The following WWOX variants were observed in gnomAD, a reference collection of about 807,000 sequenced individuals.
WWOX encodes WW domain containing oxidoreductase, also known as WW domain-containing oxidoreductase.
Under a neutral mutation model 46.2 loss-of-function variants are expected in WWOX, and 69 were observed. The observed-to-expected ratio is 1.49, with a 90% CI of 1.23 to 1.82. WWOX has a LOEUF of 1.82. WWOX is among the 40% of genes most tolerant of loss of function. The pLI is 0.00. For synonymous variants in WWOX, 359 were observed against 202.6 expected (o/e 1.77, Z -6.56); for missense variants, 919 against 542.6 (o/e 1.69, Z -6.89).
chr16:78,239,515 A>G (rs1446784699), intron 5 of WWOX, among the ~76,000 whole-genome samples: 2 of 152,032 alleles, frequency 1.3e-5, no homozygotes, highest in Admixed American at 6.5e-5. Context: ...TTGCTTAGGC[A>G]TTAGTGATTT....
intron 8 of WWOX, among the ~76,000 whole-genome samples, chr16:79,054,660 A>G (rs1183626750): frequency 2.0e-5 from 3 of 152,100 alleles, no homozygotes; most frequent in Non-Finnish European, 4.4e-5. Flanking sequence ...TGTCTCTATG[A>G]AAAAATGAAA....
intron 8 of WWOX, among the ~76,000 whole-genome samples, chr16:78,854,994 A>G (rs1012632609): frequency 2.0e-5 from 3 of 150,406 alleles, no homozygotes; most frequent in Admixed American, 1.3e-4. Context: ...TTTACACTCC[A>G]TTATTTTATT....
intron 8 of WWOX, among the ~76,000 whole-genome samples, chr16:78,715,788 T>C (rs1250484865): frequency 6.6e-6 from 1 of 152,168 alleles, no homozygotes; most frequent in Non-Finnish European, 1.5e-5. Context: ...TGTCTGACCA[T>C]TTTATCAGGA....
intron 4 of WWOX, 112 bp from the exon 5 acceptor site, chr16:78,164,071 C>T (rs939974809): frequency 1.0e-6 from 1 of 992,764 alleles, no homozygotes; most frequent in Non-Finnish European, 1.6e-6. Flanking sequence ...ATCAAAATCA[C>T]CCCTGGTTGA....
chr16:79,160,782 TA>T (rs1484726614), intron 8 of WWOX, among the ~76,000 whole-genome samples: 1 of 152,208 alleles, frequency 6.6e-6, no homozygotes, highest in African/African-American at 2.4e-5. Context: ...TGTGCATTCA[TA>T]TGTCTGTGTG....
At chr16:78,723,893 C>T (rs376595192) in intron 8 of WWOX, among the ~76,000 whole-genome samples, 3 of 152,126 alleles carry the variant, frequency 2.0e-5, no homozygotes, top group African/African-American at 7.2e-5. Flanking sequence ...TGTTTATAGC[C>T]CCAAAGACAG....
In WWOX at chr16:79,042,517, C is replaced by T. The variant is rs966673648; in HGVS notation, c.1057-169091C>T. Among the ~76,000 whole-genome samples, 4 of 151,758 alleles carry T rather than the reference C, an allele frequency of 2.6e-5. 1 individual carries two copies. In the East Asian group the frequency reaches 5.8e-4, roughly 22 times the overall value. ...ATTCGCATGATAAAAATCATAATGTCTCAAATTACTTACTCAATAAAATGT... is the reference window on the plus strand; with the variant it reads ...ATTCGCATGATAAAAATCATAATGTTTCAAATTACTTACTCAATAAAATGT... On this transcript the variant is annotated intron_variant, in intron 8 of 8. Transcript: ENST00000566780.
chr16:78,946,734 G>A lies in WWOX; in HGVS notation c.1057-264874G>A, dbSNP rs554065532. Among the ~76,000 whole-genome samples, 16 of 151,954 alleles carry A rather than the reference G, an allele frequency of 1.1e-4. No homozygotes were observed. In the South Asian group the frequency reaches 1.9e-3, roughly 18 times the overall value. On this transcript the variant is annotated intron_variant, in intron 8 of 8. Transcript: ENST00000566780. ...TTTTTCAGAGCGTTGAGAGTCATGC[G>A]GGCCATATGGATGCAGTGGTCCACA...
intron 5 of WWOX, among the ~76,000 whole-genome samples, chr16:78,266,842 C>T (rs540269627): frequency 9.5e-4 from 140 of 147,274 alleles, no homozygotes; most frequent in Middle Eastern, 3.5e-3. Context: ...CTCTCTCCCC[C>T]TCTCTCTCAT....
intron 8 of WWOX, among the ~76,000 whole-genome samples, chr16:78,961,758 A>T (rs1225734894): frequency 6.6e-6 from 1 of 152,106 alleles, no homozygotes; most frequent in East Asian, 1.9e-4. Flanking sequence ...AACTTGGGGA[A>T]CTTTATCTTT....
At chr16:78,215,700 G>C (rs2036696272) in intron 5 of WWOX, among the ~76,000 whole-genome samples, 1 of 152,174 alleles carries the variant, frequency 6.6e-6, no homozygotes. Flanking sequence ...GGCCGAGGCA[G>C]ATGGATCACT....
intron 8 of WWOX, among the ~76,000 whole-genome samples, chr16:78,887,819 T>C (rs1180845709): frequency 6.6e-6 from 1 of 152,210 alleles, no homozygotes; most frequent in East Asian, 1.9e-4. Flanking sequence ...CTGAGTGAGC[T>C]TAGGACTCTG....
chr16:78,253,892 C>A (rs2151830645), intron 5 of WWOX, among the ~76,000 whole-genome samples: 1 of 152,100 alleles, frequency 6.6e-6, no homozygotes, highest in South Asian at 2.1e-4. Flanking sequence ...CTTCCCACCT[C>A]CAGCCTCGCA....
At position 78,109,838 on chromosome 16, in the gene WWOX, A is replaced by G. The variant is rs746149234; in HGVS notation, c.230+3A>G. On this transcript the variant is annotated splice_donor_region_variant and intron_variant, in intron 3 of 8. Coordinates refer to ENST00000566780, the MANE Select transcript of WWOX (RefSeq NM_016373.4). ...AACGGACAAGTGTTTTTTGTTGAGT[A>G]AGTGTCTGCAAAGAAACCACTCTCA... 1 of 1,614,046 alleles carries G rather than the reference A, an allele frequency of 6.2e-7. No individual in the cohort carries two copies. Among genetic ancestry groups the G allele is most frequent in the Admixed American group, 1.7e-5 (1 of 60,006 alleles).
At chr16:78,254,502 G>GTTTTTTTGTTTTTTT (rs2038073105) in intron 5 of WWOX, among the ~76,000 whole-genome samples, 1 of 91,648 alleles carries the variant, frequency 1.1e-5, no homozygotes, top group African/African-American at 5.2e-5. Flanking sequence ...TTTCTTTCTT[G>GTTTTTTTGTTTTTTT]TTTTTTTTTT....
intron 8 of WWOX, among the ~76,000 whole-genome samples, chr16:78,640,295 T>C (rs960897566): frequency 2.8e-5 from 4 of 142,792 alleles, no homozygotes; most frequent in African/African-American, 1.1e-4. Context: ...ATGGATACTA[T>C]TGAAGGAATG....
chr16:78,436,315 G>A (rs1396645912), intron 8 of WWOX, among the ~76,000 whole-genome samples: 2 of 152,248 alleles, frequency 1.3e-5, no homozygotes, highest in South Asian at 2.1e-4. Flanking sequence ...TAGAAAGGGC[G>A]TCCAGGTGAA....
chr16:78,757,587 T>C (rs2049686311), intron 8 of WWOX, among the ~76,000 whole-genome samples: 1 of 152,180 alleles, frequency 6.6e-6, no homozygotes, highest in African/African-American at 2.4e-5. Context: ...AAGCAGGTGG[T>C]GTATTTTGAA....
intron 8 of WWOX, among the ~76,000 whole-genome samples, chr16:78,735,212 C>A (rs187285079): frequency 5.9e-5 from 9 of 152,172 alleles, no homozygotes; most frequent in Admixed American, 2.6e-4. Context: ...GAAGCATCAG[C>A]ATTTCTTGTG....
Sources: allele counts gnomAD v4.1 joint callset (sites outside exome capture counted in the v4.1 genomes callset), GRCh38; gene constraint gnomAD v4.1.1; transcripts MANE v1.5; gene names NCBI Gene and HGNC (gene_info 2026-07-23, HGNC 2026-07-21).